Variants in KLHL5 observed in about 807,000 individuals in gnomAD.
The protein encoded by KLHL5 is kelch-like protein 5.
KLHL5 carries 48 observed loss-of-function variants against 77.7 expected under a neutral mutation model. The ratio of observed to expected loss-of-function variants is 0.62; its 90% CI spans 0.49 to 0.79. The LOEUF (loss-of-function observed/expected upper bound fraction) is 0.79, where lower values mean the gene tolerates loss of function less well. Among genes scored for constraint, KLHL5 ranks in the 30% least tolerant of loss-of-function variants. The pLI, the probability that KLHL5 is intolerant of heterozygous loss-of-function variation, is 0.00. For missense variants in KLHL5, 723 were observed against 859.7 expected (o/e 0.84, Z 1.99); for synonymous variants, 260 against 297.0 (o/e 0.88, Z 1.28).
At chr4:39,063,396 T>C (rs1717605182) in intron 1 of KLHL5, among the ~76,000 whole-genome samples, 1 of 152,200 alleles carries the variant, frequency 6.6e-6, no homozygotes, top group Admixed American at 6.5e-5. Flanking sequence ...TTCTATAGTA[T>C]GAAATTTTAT....
intron 2 of KLHL5, among the ~76,000 whole-genome samples, chr4:39,076,378 T>C (rs1719041247): frequency 6.6e-6 from 1 of 152,128 alleles, no homozygotes; most frequent in Non-Finnish European, 1.5e-5. Context: ...CTCATATAAG[T>C]TGGTATTGTT....
At chr4:39,068,068 AT>A (rs923782253) in intron 1 of KLHL5, among the ~76,000 whole-genome samples, 4 of 151,806 alleles carry the variant, frequency 2.6e-5, no homozygotes, top group African/African-American at 9.7e-5. Context: ...CCAAACTCTT[AT>A]TTTTTGGTCA....
chr4:39,138,803 T>C, the KLHL5 span, among the ~76,000 whole-genome samples: 1 of 152,092 alleles, frequency 6.6e-6, no homozygotes, highest in African/African-American at 2.4e-5. Flanking sequence ...ACTATAACCA[T>C]TTGAATAAAA....
chr4:39,118,029 C>G (rs1004713631), intron 10 of KLHL5, among the ~76,000 whole-genome samples: 1 of 149,284 alleles, frequency 6.7e-6, no homozygotes, highest in Non-Finnish European at 1.5e-5. Context: ...CCACTGCACT[C>G]TAGCCTGGGT....
At chr4:39,053,135 G>A (rs983805106) in intron 1 of KLHL5, among the ~76,000 whole-genome samples, 7 of 152,166 alleles carry the variant, frequency 4.6e-5, no homozygotes, top group Non-Finnish European at 1.5e-5. Flanking sequence ...ATTATGAGCA[G>A]TTGAGAAATA....
intron 1 of KLHL5, among the ~76,000 whole-genome samples, chr4:39,054,130 T>C (rs1246898301): frequency 1.3e-5 from 2 of 152,232 alleles, no homozygotes; most frequent in East Asian, 1.9e-4. Context: ...TCTGTTCTGC[T>C]ACTCTCTACT....
At position 39,103,370 on chromosome 4, in the gene KLHL5, G is replaced by A. The variant is rs34646863; in HGVS notation, c.1384G>A (p.Gly462Ser). ...ANMNGRRLQF[G>S]VAVLDDKLYV... Reference sequence around the variant, plus strand: ...TATGAATGGGAGGAGGCTACAGTTCGGTGTTGCAGTGCTAGATGACAAACT... The same window carrying A: ...TATGAATGGGAGGAGGCTACAGTTCAGTGTTGCAGTGCTAGATGACAAACT... Residue 462 changes from glycine (G) to serine (S), a missense_variant, in exon 7 of 11, where the codon GGT becomes AGT. Around this residue, in one of 3 missense-constraint regions of KLHL5, gnomAD observed 288 missense variants for 400.3 expected, o/e 0.72. Coordinates refer to ENST00000504108, the MANE Select transcript of KLHL5 (RefSeq NM_015990.5). The A allele has an allele frequency of 1.2e-4, 190 of 1,614,040 alleles. 2 individuals are homozygous for A. The highest frequency in any genetic ancestry group is 5.0e-4 in the Middle Eastern group (3 of 6,060).
upstream of KLHL5, chr4:39,044,852 C>G: frequency 1.4e-6 from 1 of 705,346 alleles, no homozygotes; most frequent in South Asian, 6.3e-5. Context: ...CCCACCTACT[C>G]GCCCGCCCCC....
intron 2 of KLHL5, among the ~76,000 whole-genome samples, chr4:39,076,611 A>AG (rs1196850890): frequency 6.6e-6 from 1 of 152,168 alleles, no homozygotes; most frequent in Non-Finnish European, 1.5e-5. Flanking sequence ...AGGGAAAAAA[A>AG]GCCTTTCCTA....
rs1375752744 is a variant in KLHL5 at position 39,122,505 on chromosome 4, T to A, written c.*1439T>A. Among the ~76,000 whole-genome samples the A allele has an allele frequency of 1.3e-5, 2 of 152,020 alleles. No individual in the cohort carries two copies. The highest frequency in any genetic ancestry group is 1.3e-4 in the Admixed American group (2 of 15,260). ...CACTCTTACTATTCCTGCCACTAGG[T>A]AGAAAAAGAAAGATTTCGGCCGGGC... On this transcript the variant is annotated 3_prime_UTR_variant, in exon 11 of 11. Transcript: ENST00000504108.
chr4:39,071,675 G>C (rs368351066), intron 1 of KLHL5, among the ~76,000 whole-genome samples: 1 of 152,168 alleles, frequency 6.6e-6, no homozygotes, highest in African/African-American at 2.4e-5. Flanking sequence ...AACTGGTGCA[G>C]TGCTGCAACA....
chr4:39,067,892 A>T (rs951065402), intron 1 of KLHL5, among the ~76,000 whole-genome samples: 1 of 152,026 alleles, frequency 6.6e-6, no homozygotes, highest in African/African-American at 2.4e-5. Context: ...CGCGTTGGCC[A>T]GGCTGGTCTC....
At chr4:39,078,041 A>C (rs1270560471) in intron 2 of KLHL5, among the ~76,000 whole-genome samples, 1 of 152,158 alleles carries the variant, frequency 6.6e-6, no homozygotes, top group Non-Finnish European at 1.5e-5. Flanking sequence ...ACCAAACATC[A>C]TATGTTCTCT....
the KLHL5 span, among the ~76,000 whole-genome samples, chr4:39,136,440 G>A: frequency 2.6e-5 from 4 of 152,302 alleles, no homozygotes; most frequent in Non-Finnish European, 5.9e-5. Flanking sequence ...GATTATAGGC[G>A]TGAGCCACCA....
At chr4:39,139,752 C>G in the KLHL5 span, among the ~76,000 whole-genome samples, 4 of 152,194 alleles carry the variant, frequency 2.6e-5, no homozygotes, top group Non-Finnish European at 5.9e-5. Context: ...AATGAGAGGA[C>G]GCAATAGTAT....
rs60163692 is a variant in KLHL5, at chr4:39,069,535, CATATAT to C, written c.384-6402_384-6397del. 5.8e-3 allele frequency among the ~76,000 whole-genome samples: 791 copies of C among 136,266 alleles called. 5 individuals are homozygous for C. The highest frequency in any genetic ancestry group is 7.2e-3 in the Middle Eastern group (2 of 278). 89.4% of individuals were successfully genotyped at this position (136,266 alleles called of 152,430 possible). A position where few individuals can be genotyped will look rare whatever the true frequency, so the allele number is the denominator to read the frequency against. ...TTATACTATTTTTATACTTTTTTAC[CATATAT>C]ATATATATATATATATATATATATA... is the stretch of plus-strand genomic sequence containing the variant. On this transcript the variant is annotated intron_variant, in intron 1 of 10. Coordinates refer to ENST00000504108, the MANE Select transcript of KLHL5 (RefSeq NM_015990.5).
chr4:39,058,306 T>C (rs189309804), upstream of KLHL5, among the ~76,000 whole-genome samples: 24 of 152,324 alleles, frequency 1.6e-4, no homozygotes, highest in Admixed American at 1.5e-3. Context: ...TAGAATAACA[T>C]TGTGATTTTT....
chr4:39,095,534 A>C (rs542095554), intron 5 of KLHL5, among the ~76,000 whole-genome samples: 56 of 152,160 alleles, frequency 3.7e-4, no homozygotes, highest in African/African-American at 1.3e-3. Flanking sequence ...AAAGGTAAAA[A>C]TTAATACATA....
At chr4:39,076,487 AG>A (rs1719055014) in intron 2 of KLHL5, among the ~76,000 whole-genome samples, 1 of 152,204 alleles carries the variant, frequency 6.6e-6, no homozygotes, top group Non-Finnish European at 1.5e-5. Flanking sequence ...GTGGATATTT[AG>A]AAGAAGAAAA....
Sources: allele counts gnomAD v4.1 joint callset (sites outside exome capture counted in the v4.1 genomes callset), GRCh38; gene constraint gnomAD v4.1.1; regional missense constraint gnomAD v4.1.1; transcripts MANE v1.5; gene names NCBI Gene and HGNC (gene_info 2026-07-23, HGNC 2026-07-21).